Variants in GRHL3 observed in about 807,000 individuals in gnomAD.
GRHL3 encodes grainyhead-like protein 3 homolog.
GRHL3 carries 20 observed loss-of-function variants against 70.3 expected under a neutral mutation model. That is an observed-to-expected ratio of 0.28 (90% CI 0.20 to 0.41). The LOEUF is 0.41. Ranked by LOEUF, GRHL3 falls within the 10% of genes least tolerant of loss-of-function variation. The pLI is 1.00. For missense variants in GRHL3, 637 were observed against 762.3 expected (o/e 0.84, Z 1.94); for synonymous variants, 299 against 299.9 (o/e 1.00, Z 0.03).
At chr1:24,323,483 G>A (rs1195387411) in intron 1 of GRHL3, among the ~76,000 whole-genome samples, 2 of 152,220 alleles carry the variant, frequency 1.3e-5, no homozygotes, top group African/African-American at 4.8e-5. Context: ...CAGTGTAGTT[G>A]CTGAGTCAGC....
At chr1:24,357,055 C>CA (rs1010048918), downstream of GRHL3, 2 of 130,072 alleles carry the variant, frequency 1.5e-5, no homozygotes, top group South Asian at 2.6e-4. Flanking sequence ...GGCCCCCCCC[C>CA]CCAAAAAAAA....
downstream of GRHL3, chr1:24,358,185 A>T: frequency 1.9e-6 from 1 of 518,790 alleles, no homozygotes. Context: ...GGGTGGACTG[A>T]TCCTCCTTGA....
chr1:24,338,985 A>G (rs761036849), intron 7 of GRHL3, among the ~76,000 whole-genome samples: 1 of 152,232 alleles, frequency 6.6e-6, no homozygotes, highest in Non-Finnish European at 1.5e-5. Flanking sequence ...TACTTTTGCT[A>G]CTGCTCTTAC....
At position 24,344,300 on chromosome 1, in the gene GRHL3, C is replaced by T. The variant is rs188471486; in HGVS notation, c.1420-597C>T. On this transcript the variant is annotated intron_variant, in intron 11 of 15. Transcript: ENST00000361548. ...AGACTGACTGATGCCTGCCCCACAC[C>T]GCACAGTGCCAGGCACACTGTAGGG... Among the ~76,000 whole-genome samples, 116 of 152,154 alleles carry T rather than the reference C, an allele frequency of 7.6e-4. 1 individual carries two copies. The highest frequency in any genetic ancestry group is 3.4e-3 in the Middle Eastern group (1 of 294).
At position 24,331,618 on chromosome 1, in the gene GRHL3, T is replaced by C. The variant is rs1194752907; in HGVS notation, c.204+6T>C. 3.1e-6 allele frequency: 5 copies of C among 1,609,472 alleles called. No individual in the cohort carries two copies. The South Asian group carries it at 5.5e-5, about 18-fold the overall frequency. ...TCCTCTATGATTACTACATGGTACG[T>C]CTACCCCCTCTGGACATGCCCCGTT... On this transcript the variant is annotated splice_donor_region_variant and intron_variant, in intron 2 of 15. Transcript: ENST00000361548.
rs145677453 is a variant in GRHL3 at position 24,343,025 on chromosome 1, G to A, written c.1419G>A (p.Gly473=). 1.6e-5 allele frequency: 26 copies of A among 1,613,940 alleles called. No individual in the cohort carries two copies. The highest frequency in any genetic ancestry group is 1.6e-4 in the Middle Eastern group (1 of 6,084). Residue 473 remains glycine, a splice_region_variant and synonymous_variant, in exon 11 of 16, where the codon GGG becomes GGA. Coordinates refer to ENST00000361548, the MANE Select transcript of GRHL3 (RefSeq NM_198173.3). ...TCTCCAGCCTGCAGCGCTCTGGAGG[G>A]GTGAGGCCAGGGCTGGGGTCTCGGG... ...VHFSSLQRSG[G]AAPSAGPSSS... is the part of the protein sequence containing the mutation.
In GRHL3 at chr1:24,323,000, A is replaced by G; in HGVS notation, c.17+3432A>G. 7.5e-7 allele frequency: 1 copy of G among 1,329,288 alleles called. No individual in the cohort carries two copies. Among genetic ancestry groups the G allele is most frequent in the Non-Finnish European group, 1.1e-6 (1 of 947,526 alleles). 82.3% of individuals were successfully genotyped at this position (1,329,288 alleles called of 1,614,324 possible). ...GGTCTTAGCCGAGCAGCCATAGGCC[A>G]CCCCGCTTCCTCTGTGCTTAGCCTC... is the stretch of plus-strand genomic sequence containing the variant. On this transcript the variant is annotated intron_variant, in intron 1 of 15. Transcript: ENST00000361548. This position sits in a 1 kb window ranked among gnomAD's most constrained non-coding sequence, Gnocchi z 4.4.
At chr1:24,339,619 C>CCCAGAT in intron 7 of GRHL3, 49 bp from the exon 8 acceptor site, 3 of 1,391,376 alleles carry the variant, frequency 2.2e-6, no homozygotes, top group Non-Finnish European at 3.0e-6. Flanking sequence ...CTCAAGTGGT[C>CCCAGAT]CCAGATCCCT....
chr1:24,346,925 T>C (rs2148663963), intron 13 of GRHL3, among the ~76,000 whole-genome samples: 1 of 152,226 alleles, frequency 6.6e-6, no homozygotes, highest in Middle Eastern at 3.4e-3. Flanking sequence ...GTCCCCCCTC[T>C]CCCACTTTTT....
chr1:24,353,052 G>A (rs1189243458), intron 15 of GRHL3, among the ~76,000 whole-genome samples: 2 of 152,224 alleles, frequency 1.3e-5, no homozygotes, highest in Admixed American at 1.3e-4. Flanking sequence ...TCTATCTGCT[G>A]CTTCTTAACT....
Position 24,331,530 on chromosome 1 carries a change from C to T in GRHL3, c.122C>T (p.Thr41Ile), listed in dbSNP as rs776078194. The T allele has an allele frequency of 5.6e-6, 9 of 1,614,050 alleles. No individual in the cohort carries two copies. The African/African-American group carries it at 9.3e-5, about 17-fold the overall frequency. ...AWKTYLENPL[T>I]AATKAMMRVN... The stretch of plus-strand genomic sequence containing the variant: ...AAGACGTACCTAGAAAACCCGTTGA[C>T]AGCTGCCACAAAGGCCATGATGAGA... The change falls in exon 2 of 16, where the codon ACA (threonine) becomes ATA (isoleucine). Residue 41 changes from threonine to isoleucine, a missense_variant. Coordinates refer to ENST00000361548, the MANE Select transcript of GRHL3 (RefSeq NM_198173.3).
At chr1:24,353,603 T>C (rs1640601265) in intron 15 of GRHL3, among the ~76,000 whole-genome samples, 1 of 151,838 alleles carries the variant, frequency 6.6e-6, no homozygotes. Flanking sequence ...TGTGGGTGGA[T>C]ATACCCAACT....
chr1:24,338,080 C>G lies in GRHL3; in HGVS notation c.929C>G (p.Ala310Gly). 3.1e-6 allele frequency: 5 copies of G among 1,611,630 alleles called. No individual in the cohort carries two copies. The highest frequency in any genetic ancestry group is 4.2e-6 in the Non-Finnish European group (5 of 1,178,746). The change falls in exon 7 of 16, where the codon GCC becomes GGC. Residue 310 changes from alanine to glycine, a missense_variant. Coordinates refer to ENST00000361548, the MANE Select transcript of GRHL3 (RefSeq NM_198173.3). ...WKHWHSRQPTAKQRVIDVADC... is the reference protein window; with the variant it reads ...WKHWHSRQPTGKQRVIDVADC... ...CACTGGCATTCCCGGCAACCCACTG[C>G]CAAGCAGCGGGTCATTGACGTGGGT...
Position 24,322,101 on chromosome 1 carries a change from GC to G in GRHL3, c.17+2535del, listed in dbSNP as rs1310061280. Among the ~76,000 whole-genome samples, 1 of 152,152 alleles carries G rather than the reference GC, an allele frequency of 6.6e-6. No homozygotes were observed. Among genetic ancestry groups the G allele is most frequent in the African/African-American group, 2.4e-5 (1 of 41,446 alleles). On this transcript the variant is annotated intron_variant, in intron 1 of 15. Transcript: ENST00000361548. This position sits in a 1 kb window ranked among gnomAD's most constrained non-coding sequence, Gnocchi z 4.4. ...CCTGTTGTTCCCCTCTGGAGGGCCG[GC>G]CGGCGCTCCAGGCAGGCCCCGTTGA...
At chr1:24,349,333 C>T (rs778894433) in intron 14 of GRHL3, among the ~76,000 whole-genome samples, 30 of 152,182 alleles carry the variant, frequency 2.0e-4, no homozygotes, top group African/African-American at 2.2e-4. Flanking sequence ...AGGCCTTGGG[C>T]GCGTGGCTTA....
chr1:24,342,243 T>C lies in GRHL3; in HGVS notation c.1176T>C (p.Ala392=). 9 of 1,611,708 alleles carry C rather than the reference T, an allele frequency of 5.6e-6. No homozygotes were observed. The highest frequency in any genetic ancestry group is 7.6e-6 in the Non-Finnish European group (9 of 1,178,690). ...GCACTGAGCGCCTGGTACACCGTGC[T>C]GTCTGCCAGATCAAGATCTTCTGTG... ...GLGTERLVHR[A]VCQIKIFCDK... The change falls in exon 9 of 16, where the codon GCT becomes GCC. Residue 392 remains alanine, a synonymous_variant. Coordinates refer to ENST00000361548, the MANE Select transcript of GRHL3 (RefSeq NM_198173.3). This position sits in a 1 kb window ranked among gnomAD's most constrained non-coding sequence, Gnocchi z 4.8.
intron 15 of GRHL3, chr1:24,361,065 G>T (rs1335170711): frequency 2.5e-6 from 4 of 1,589,200 alleles, no homozygotes; most frequent in Non-Finnish European, 3.4e-6. Context: ...AAAACGGGAA[G>T]ATGTCACTAA....
At chr1:24,347,687 C>A in intron 14 of GRHL3, 134 bp downstream of exon 14, 1 of 704,444 alleles carries the variant, frequency 1.4e-6, no homozygotes, top group East Asian at 2.6e-5. Context: ...CCACCCTGTC[C>A]AGGGGGCCTG....
intron 1 of GRHL3, among the ~76,000 whole-genome samples, chr1:24,325,851 GCCTGCTCTCT>G (rs1639369211): frequency 6.6e-6 from 1 of 152,190 alleles, no homozygotes; most frequent in Non-Finnish European, 1.5e-5. Context: ...TGATCTTGTT[GCCTGCTCTCT>G]CCTAAATGGA....
Sources: allele counts gnomAD v4.1 joint callset (sites outside exome capture counted in the v4.1 genomes callset), GRCh38; gene constraint gnomAD v4.1.1; non-coding constraint Gnocchi (gnomAD v3.1); transcripts MANE v1.5; gene names NCBI Gene and HGNC (gene_info 2026-07-23, HGNC 2026-07-21).